The following LMCD1 variants were observed in gnomAD, a reference collection of about 807,000 sequenced individuals.
LMCD1 encodes the protein LIM and cysteine rich domains 1.
LMCD1 carries 32 observed loss-of-function variants against 42.7 expected under a neutral mutation model. That is an observed-to-expected ratio of 0.75 (90% CI 0.57 to 1.01). LMCD1 has a LOEUF of 1.01. Among genes scored for constraint, LMCD1 ranks in the 50% least tolerant of loss-of-function variants. The pLI is 0.00. For missense variants in LMCD1, 458 were observed against 483.1 expected, an observed-to-expected ratio of 0.95 and a Z score of 0.49; for synonymous variants, 178 against 184.9, an observed-to-expected ratio of 0.96 and a Z score of 0.30.
At chr3:8,546,309 A>C (rs1393323068) in intron 3 of LMCD1, among the ~76,000 whole-genome samples, 2 of 152,252 alleles carry the variant, frequency 1.3e-5, no homozygotes, top group Non-Finnish European at 2.9e-5. Flanking sequence ...TAATGTTTTA[A>C]GAATGTTTAT....
At chr3:8,555,815 A>C (rs867688457) in intron 4 of LMCD1, among the ~76,000 whole-genome samples, 4 of 144,552 alleles carry the variant, frequency 2.8e-5, no homozygotes, top group African/African-American at 7.8e-5. Context: ...TATAGTGAAT[A>C]TTGAAGGTTT....
At chr3:8,502,320 A>ATTATATATATAAAATATATATT in intron 1 of LMCD1, among the ~76,000 whole-genome samples, 1 of 39,470 alleles carries the variant, frequency 2.5e-5, no homozygotes, top group African/African-American at 1.1e-4. Context: ...TAAAATATAT[A>ATTATATATATAAAATATATATT]TTATATATAA....
At chr3:8,538,838 G>A (rs930679851) in intron 3 of LMCD1, among the ~76,000 whole-genome samples, 5 of 152,272 alleles carry the variant, frequency 3.3e-5, no homozygotes, top group Admixed American at 6.5e-5. Context: ...CACCCAGGAC[G>A]GTGCAGGGTG....
At chr3:8,517,169 T>C (rs562130197) in intron 1 of LMCD1, among the ~76,000 whole-genome samples, 1 of 152,342 alleles carries the variant, frequency 6.6e-6, no homozygotes, top group Admixed American at 6.5e-5. Flanking sequence ...TCTGAAATGC[T>C]CTAAAATCTG....
chr3:8,550,088 A>T, intron 4 of LMCD1: 1 of 1,436,010 alleles, frequency 7.0e-7, no homozygotes, highest in Non-Finnish European at 9.1e-7. Flanking sequence ...CTGAGGAGTG[A>T]GTCACTGGGG....
intron 1 of LMCD1, among the ~76,000 whole-genome samples, chr3:8,515,223 T>C (rs6799564): frequency 0.47 from 71,125 of 151,918 alleles, 17,358 homozygotes; most frequent in Non-Finnish European, 0.51. Flanking sequence ...GCATCCAGGT[T>C]TCTTTGTGAT....
intron 3 of LMCD1, among the ~76,000 whole-genome samples, chr3:8,543,397 T>TAGATGATAGATA (rs112109655): frequency 4.3e-5 from 4 of 92,770 alleles, no homozygotes; most frequent in African/African-American, 7.8e-5. Flanking sequence ...GATAGATAGA[T>TAGATGATAGATA]GATAGATAGA....
rs1460254287 is a variant in LMCD1 at position 8,574,281 on chromosome 3, C to G, written c.*6683C>G. 1.3e-5 allele frequency: 2 copies of G among 152,354 alleles called. No individual in the cohort carries two copies. The highest frequency in any genetic ancestry group is 4.8e-5 in the African/African-American group (2 of 41,456). The allele number at this position is 152,354 out of a possible 1,614,324, so 9.4% of individuals were successfully genotyped here. ...GGCAGGGTACTCTGATTGGCAATAC[C>G]TTCATCGTGGGCCAACCACTGTGGG... On this transcript the variant is annotated 3_prime_UTR_variant, in exon 6 of 6. Coordinates refer to ENST00000157600, the MANE Select transcript of LMCD1 (RefSeq NM_014583.4).
intron 3 of LMCD1, 131 bp downstream of exon 3, chr3:8,537,571 T>A: frequency 9.9e-7 from 1 of 1,008,024 alleles, no homozygotes; most frequent in Non-Finnish European, 1.4e-6. Context: ...GTGGCTGTGG[T>A]TTTAGCCCTG....
intron 3 of LMCD1, among the ~76,000 whole-genome samples, chr3:8,548,079 G>C (rs527711605): frequency 1.3e-4 from 20 of 152,278 alleles, no homozygotes; most frequent in African/African-American, 4.8e-4. Flanking sequence ...CCTAGAAAAG[G>C]TATAGTGAAA....
chr3:8,557,059 A>C (rs1694942441), intron 4 of LMCD1, among the ~76,000 whole-genome samples: 1 of 152,202 alleles, frequency 6.6e-6, no homozygotes, highest in African/African-American at 2.4e-5. Context: ...TTTTTCCAAG[A>C]GCTTCACCAG....
intron 2 of LMCD1, 111 bp downstream of exon 2, chr3:8,532,936 G>T: frequency 1.1e-6 from 1 of 873,224 alleles, no homozygotes; most frequent in East Asian, 2.5e-5. Flanking sequence ...TGCGTTGTCA[G>T]GGAAGGATGG....
chr3:8,505,953 A>G (rs986496208), intron 1 of LMCD1, among the ~76,000 whole-genome samples: 2 of 152,260 alleles, frequency 1.3e-5, no homozygotes, highest in Non-Finnish European at 2.9e-5. Context: ...TAAAGACCTT[A>G]ATAGCCAAGA....
At position 8,568,298 on chromosome 3, in the gene LMCD1, A is replaced by T. The variant is rs1695163149; in HGVS notation, c.*700A>T. 6.6e-6 allele frequency: 1 copy of T among 152,258 alleles called. No homozygotes were observed. The highest frequency in any genetic ancestry group is 2.4e-5 in the African/African-American group (1 of 41,468). 9.4% of individuals were successfully genotyped at this position (152,258 alleles called of 1,614,324 possible). ...CCACCTGCCTATTCCAGATACTCCCAGATCACTAATGTAACAAAGGTATCA... is the reference window on the plus strand; with the variant it reads ...CCACCTGCCTATTCCAGATACTCCCTGATCACTAATGTAACAAAGGTATCA... On this transcript the variant is annotated 3_prime_UTR_variant, in exon 6 of 6. Transcript: ENST00000157600.
intron 1 of LMCD1, among the ~76,000 whole-genome samples, chr3:8,502,561 TCCC>T (rs1693781305): frequency 8.9e-6 from 1 of 112,080 alleles, no homozygotes; most frequent in Non-Finnish European, 1.8e-5. Context: ...TTTGTGTGTT[TCCC>T]CCAATACACA....
In LMCD1 at chr3:8,567,501, T is replaced by A. The variant is rs779186556; in HGVS notation, c.1001T>A (p.Val334Asp). The change falls in exon 6 of 6, where the codon GTC (valine) becomes GAC (aspartate). Residue 334 changes from valine (V) to aspartate (D), a missense_variant. By Grantham distance (152) the Val-to-Asp change is radical (BLOSUM62 -3). Coordinates refer to ENST00000157600, the MANE Select transcript of LMCD1 (RefSeq NM_014583.4). ...EDLAWHRKHF[V>D]CEGCEQLLSG... ...CTGGCCTGGCACCGAAAGCACTTTG[T>A]CTGTGAGGGTTGTGAGCAGCTGCTG... The A allele has an allele frequency of 6.2e-7, 1 of 1,614,026 alleles. No individual in the cohort carries two copies. The highest frequency in any genetic ancestry group is 2.2e-5 in the East Asian group (1 of 44,846).
At chr3:8,556,732 T>G (rs1477569991) in intron 4 of LMCD1, among the ~76,000 whole-genome samples, 1 of 152,216 alleles carries the variant, frequency 6.6e-6, no homozygotes, top group Non-Finnish European at 1.5e-5. Flanking sequence ...AGCCAGTCCT[T>G]GGGCCCATGC....
chr3:8,530,345 AAT>A (rs1694388806), intron 1 of LMCD1, among the ~76,000 whole-genome samples: 1 of 152,186 alleles, frequency 6.6e-6, no homozygotes, highest in East Asian at 1.9e-4. Context: ...ACAGCTAATA[AAT>A]GCCAGAGTTG....
intron 4 of LMCD1, among the ~76,000 whole-genome samples, chr3:8,556,416 A>G (rs553862711): frequency 2.1e-4 from 32 of 150,434 alleles, no homozygotes; most frequent in African/African-American, 7.2e-4. Flanking sequence ...GTGTGTGTGT[A>G]TGTGTGTGTG....
Sources: gnomAD v4.1 joint callset for allele counts (sites outside exome capture counted in the v4.1 genomes callset) on GRCh38, gnomAD v4.1.1 for gene constraint, MANE v1.5 for transcripts, NCBI Gene and HGNC (gene_info 2026-07-23, HGNC 2026-07-21) for gene names.